Variants in DPP10 observed in about 807,000 individuals in gnomAD.
DPP10 encodes dipeptidyl peptidase like 10, also known as inactive dipeptidyl peptidase 10.
In DPP10, 33 loss-of-function variants were observed where a neutral mutation model predicts 120.9. The ratio of observed to expected loss-of-function variants is 0.27; its 90% CI spans 0.21 to 0.37. The LOEUF (loss-of-function observed/expected upper bound fraction) is 0.37. Among genes scored for constraint, DPP10 ranks in the 10% least tolerant of loss-of-function variants. DPP10 has a pLI of 1.00. For missense variants in DPP10, 816 were observed against 942.8 expected, an observed-to-expected ratio of 0.87 and a Z score of 1.76; for synonymous variants, 337 against 326.1, an observed-to-expected ratio of 1.03 and a Z score of -0.36.
intron 1 of DPP10, among the ~76,000 whole-genome samples, chr2:114,786,141 G>C (rs1682747317): frequency 6.6e-6 from 1 of 152,146 alleles, no homozygotes; most frequent in Non-Finnish European, 1.5e-5. Flanking sequence ...GATTCTCATA[G>C]AGCAGAGTCT....
At chr2:114,836,838 CT>C (rs1301400892) in intron 1 of DPP10, among the ~76,000 whole-genome samples, 1 of 152,198 alleles carries the variant, frequency 6.6e-6, no homozygotes, top group Non-Finnish European at 1.5e-5. Flanking sequence ...GTGATGCATT[CT>C]CTTTCTCAAG....
At chr2:115,414,297 T>A (rs942909167) in intron 3 of DPP10, among the ~76,000 whole-genome samples, 3 of 152,164 alleles carry the variant, frequency 2.0e-5, no homozygotes, top group African/African-American at 7.2e-5. Flanking sequence ...CAAAAAAATG[T>A]CTGCGACAGA....
At chr2:115,193,080 T>A (rs1186727399) in intron 1 of DPP10, among the ~76,000 whole-genome samples, 1 of 152,190 alleles carries the variant, frequency 6.6e-6, no homozygotes, top group Non-Finnish European at 1.5e-5. Flanking sequence ...ACCTTGCAAA[T>A]AAACTGTTTC....
intron 5 of DPP10, among the ~76,000 whole-genome samples, chr2:115,681,968 C>T (rs2090692948): frequency 6.6e-6 from 1 of 151,806 alleles, no homozygotes; most frequent in Non-Finnish European, 1.5e-5. Context: ...ATGGTTTATT[C>T]AGTTAACAAG....
At chr2:115,572,959 A>T (rs2081425169) in intron 5 of DPP10, among the ~76,000 whole-genome samples, 1 of 152,210 alleles carries the variant, frequency 6.6e-6, no homozygotes, top group South Asian at 2.1e-4. Flanking sequence ...AGCAGCATGC[A>T]GAAGATACAC....
chr2:114,808,686 G>A (rs1185591289), intron 1 of DPP10, among the ~76,000 whole-genome samples: 1 of 151,792 alleles, frequency 6.6e-6, no homozygotes, highest in Non-Finnish European at 1.5e-5. Context: ...CTTGCCATAA[G>A]GCTGCAGCCT....
At chr2:115,093,856 T>C (rs1223245776) in intron 1 of DPP10, among the ~76,000 whole-genome samples, 1 of 152,150 alleles carries the variant, frequency 6.6e-6, no homozygotes, top group African/African-American at 2.4e-5. Context: ...TCTTGTGTCT[T>C]TGTGTAGGCA....
chr2:115,739,821 G>C lies in DPP10; in HGVS notation c.780G>C (p.Leu260Phe). ...CCTTCCTGATGATAAATGACTCTTT[G>C]GTACCCACCATGGTTATCCCTCGGT... ...RLAFLMINDS[L>F]VPTMVIPRFT... is the part of the protein sequence containing the mutation. Residue 260 changes from leucine to phenylalanine, a missense_variant, in exon 9 of 26, where the codon TTG (leucine) becomes TTC (phenylalanine). This residue lies in a region of DPP10 where 592 missense variants were observed against 649.0 expected (regional missense o/e 0.91). Transcript: ENST00000410059. 6.2e-7 allele frequency: 1 copy of C among 1,613,484 alleles called. No homozygotes were observed. Among genetic ancestry groups the C allele is most frequent in the Non-Finnish European group, 8.5e-7 (1 of 1,179,578 alleles).
chr2:114,867,415 C>T (rs1690326194), intron 1 of DPP10, among the ~76,000 whole-genome samples: 1 of 152,094 alleles, frequency 6.6e-6, no homozygotes, highest in Non-Finnish European at 1.5e-5. Context: ...TCCTAAGTCC[C>T]TTCTTTTTAG....
chr2:115,658,232 C>T (rs2088576175), intron 5 of DPP10, among the ~76,000 whole-genome samples: 1 of 151,906 alleles, frequency 6.6e-6, no homozygotes, highest in Non-Finnish European at 1.5e-5. Context: ...ATAAAATGAG[C>T]ATAATTGATT....
intron 12 of DPP10, among the ~76,000 whole-genome samples, chr2:115,764,923 G>T (rs1365592515): frequency 1.3e-5 from 2 of 152,148 alleles, no homozygotes; most frequent in Non-Finnish European, 2.9e-5. Context: ...AAGGCAAAGA[G>T]AAGTAGGCAT....
At chr2:115,815,044 T>G (rs1160812840) in intron 20 of DPP10, 57 bp downstream of exon 20, 1 of 1,479,748 alleles carries the variant, frequency 6.8e-7, no homozygotes, top group Non-Finnish European at 9.1e-7. Context: ...TCTTGGTATA[T>G]GACATATAAT....
At chr2:115,229,051 C>G (rs562994910) in intron 1 of DPP10, among the ~76,000 whole-genome samples, 1 of 152,212 alleles carries the variant, frequency 6.6e-6, no homozygotes, top group South Asian at 2.1e-4. Context: ...TACTGCCTGT[C>G]TTTTGAATAA....
chr2:115,050,593 G>T (rs1705398069), intron 1 of DPP10, among the ~76,000 whole-genome samples: 1 of 152,034 alleles, frequency 6.6e-6, no homozygotes, highest in East Asian at 1.9e-4. Context: ...TAGGATGAAA[G>T]GCTGGAGATT....
intron 1 of DPP10, among the ~76,000 whole-genome samples, chr2:114,516,146 C>T (rs966479604): frequency 6.6e-6 from 1 of 152,148 alleles, no homozygotes; most frequent in Non-Finnish European, 1.5e-5. Context: ...GTTACTGGCT[C>T]AGCAACAACA....
chr2:115,642,933 T>G (rs1047010112), intron 5 of DPP10, among the ~76,000 whole-genome samples: 4 of 152,086 alleles, frequency 2.6e-5, no homozygotes, highest in African/African-American at 9.7e-5. Context: ...GTCCAAATGT[T>G]TATTTGGCTA....
chr2:115,655,259 G>A (rs181866988), intron 5 of DPP10, among the ~76,000 whole-genome samples: 3 of 151,608 alleles, frequency 2.0e-5, no homozygotes, highest in African/African-American at 4.8e-5. Context: ...AAGCACAATC[G>A]AAAGTTTCAA....
chr2:114,532,078 G>GT (rs1686037735), intron 1 of DPP10, among the ~76,000 whole-genome samples: 1 of 151,550 alleles, frequency 6.6e-6, no homozygotes, highest in African/African-American at 2.4e-5. Flanking sequence ...GGTGCTCCCA[G>GT]TTCTCAGGTT....
At chr2:115,238,550 TTAGTG>T (rs1206844211) in intron 1 of DPP10, among the ~76,000 whole-genome samples, 3 of 152,092 alleles carry the variant, frequency 2.0e-5, no homozygotes, top group Non-Finnish European at 2.9e-5. Flanking sequence ...GCTCGAGACT[TTAGTG>T]AAGGAATTAG....
Sources: gnomAD v4.1 joint callset for allele counts (sites outside exome capture counted in the v4.1 genomes callset) on GRCh38, gnomAD v4.1.1 for gene constraint, gnomAD v4.1.1 regional missense constraint, MANE v1.5 for transcripts, NCBI Gene and HGNC (gene_info 2026-07-23, HGNC 2026-07-21) for gene names.